The following SPRY2 variants were observed in gnomAD, a reference collection of about 807,000 sequenced individuals.
SPRY2 encodes protein sprouty homolog 2.
A neutral mutation model predicts 23.4 loss-of-function variants in SPRY2; 10 were observed. That is an observed-to-expected ratio of 0.43 (90% CI 0.26 to 0.73). The LOEUF (loss-of-function observed/expected upper bound fraction) is 0.73. SPRY2 is among the 30% of genes least tolerant of loss of function. The probability of loss-of-function intolerance (pLI) is 0.22; values close to 1 mark genes in which losing one functional copy is unlikely to be tolerated. For synonymous variants in SPRY2, 170 were observed against 156.9 expected (o/e 1.08, Z -0.62); for missense variants, 344 against 396.9 (o/e 0.87, Z 1.13).
Position 80,337,623 on chromosome 13 carries a change from G to A in SPRY2, c.83C>T (p.Pro28Leu). 1 of 1,614,022 alleles carries A rather than the reference G, an allele frequency of 6.2e-7. No homozygotes were observed. ...PRDGGRQRGEPDPRDALTQQV... is the reference protein window; with the variant it reads ...PRDGGRQRGELDPRDALTQQV... ...CTGGGTGAGGGCGTCTCTGGGGTCG[G>A]GCTCCCCACGCTGTCTGCCACCGTC... is the stretch of plus-strand genomic sequence containing the variant. The change falls in exon 2 of 2, where the codon CCC becomes CTC. Residue 28 changes from proline to leucine, a missense_variant. Transcript: ENST00000377104.
At chr13:80,338,592 T>C (rs368441673) in intron 1 of SPRY2, 1 of 152,228 alleles carries the variant, frequency 6.6e-6, no homozygotes, top group Admixed American at 6.5e-5. Context: ...AAAAGCGTTT[T>C]AAAAATTCAA....
chr13:80,336,655 T>C lies in SPRY2; in HGVS notation c.*103A>G. ...CAAACAGCAAAGACTATCCCACCTT[T>C]CTATTAACAGTGCCAAGATTATAAC... On this transcript the variant is annotated 3_prime_UTR_variant, in exon 2 of 2. Coordinates refer to ENST00000377104, the MANE Select transcript of SPRY2 (RefSeq NM_005842.4). 1 of 1,212,266 alleles carries C rather than the reference T, an allele frequency of 8.2e-7. No homozygotes were observed. The highest frequency in any genetic ancestry group is 1.2e-6 in the Non-Finnish European group (1 of 847,052). The allele number at this position is 1,212,266 out of a possible 1,614,324, so 75.1% of individuals were successfully genotyped here.
In SPRY2 at chr13:80,337,042, C is replaced by T; in HGVS notation, c.664G>A (p.Val222Met). ...GAACAGTGATAGAAGAGACCTTTCA[C>T]ACAGCATACACAAGTCCCATAGTCA... ...VIDYGTCVCC[V>M]KGLFYHCSND... The change falls in exon 2 of 2, where the codon GTG becomes ATG. Residue 222 changes from valine to methionine, a missense_variant. Coordinates refer to ENST00000377104, the MANE Select transcript of SPRY2 (RefSeq NM_005842.4). 1.9e-6 allele frequency: 3 copies of T among 1,614,250 alleles called. No individual in the cohort carries two copies.
In SPRY2 at chr13:80,339,449, G is replaced by A. The variant is rs935554446; in HGVS notation, c.-52+1173C>T. 4 of 152,192 alleles carry A rather than the reference G, an allele frequency of 2.6e-5. No homozygotes were observed. The East Asian group carries it at 7.7e-4, about 29-fold the overall frequency. The allele number at this position is 152,192 out of a possible 1,614,324, so 9.4% of individuals were successfully genotyped here. ...TTTTAAAAAAAGGGCATTTTCCAGG[G>A]TCCCACTGCTCACTCCGGGCGCGCA... On this transcript the variant is annotated intron_variant, in intron 1 of 1. Transcript: ENST00000377104.
In SPRY2 at chr13:80,339,071, C is replaced by G. The variant is rs549417107; in HGVS notation, c.-51-1315G>C. ...GGGTACGTGTCACGAAATGCAGGAG[C>G]ACACTTCCCCCGCCTCCCTCTCCCC... On this transcript the variant is annotated intron_variant, in intron 1 of 1. Transcript: ENST00000377104. 5 of 152,430 alleles carry G rather than the reference C, an allele frequency of 3.3e-5. No homozygotes were observed. In the East Asian group the frequency reaches 9.7e-4, roughly 30 times the overall value. The allele number at this position is 152,430 out of a possible 1,614,324, so 9.4% of individuals were successfully genotyped here. A position where few individuals can be genotyped will look rare whatever the true frequency, so the allele number is the denominator to read the frequency against.
rs1437976002 is a variant in SPRY2 at position 80,336,659 on chromosome 13, T to C, written c.*99A>G. The C allele has an allele frequency of 3.2e-6, 4 of 1,253,636 alleles. No homozygotes were observed. Among genetic ancestry groups the C allele is most frequent in the Non-Finnish European group, 4.5e-6 (4 of 883,078 alleles). 77.7% of individuals were successfully genotyped at this position (1,253,636 alleles called of 1,614,324 possible). A position where few individuals can be genotyped will look rare whatever the true frequency, so the allele number is the denominator to read the frequency against. ...CAGCAAAGACTATCCCACCTTTCTA[T>C]TAACAGTGCCAAGATTATAACTGTT... On this transcript the variant is annotated 3_prime_UTR_variant, in exon 2 of 2. Coordinates refer to ENST00000377104, the MANE Select transcript of SPRY2 (RefSeq NM_005842.4).
In SPRY2 at chr13:80,341,080, C is replaced by T. The variant is rs112661362; in HGVS notation, c.-510G>A. The T allele has an allele frequency of 1.3e-5, 2 of 150,084 alleles. No homozygotes were observed. Among genetic ancestry groups the T allele is most frequent in the African/African-American group, 2.4e-5 (1 of 41,226 alleles). The allele number at this position is 150,084 out of a possible 1,614,324, so 9.3% of individuals were successfully genotyped here. ...TGGGCGCTGCGCGCTCCGCCGGCCC[C>T]TCTCCTCCGCTAGCGCTGCGGCGCG... is the stretch of plus-strand genomic sequence containing the variant. On this transcript the variant is annotated 5_prime_UTR_variant, in exon 1 of 2. Coordinates refer to ENST00000377104, the MANE Select transcript of SPRY2 (RefSeq NM_005842.4).
In SPRY2 at chr13:80,339,880, G is replaced by A. The variant is rs147434014; in HGVS notation, c.-52+742C>T. 4.3e-3 allele frequency among the ~76,000 whole-genome samples: 650 copies of A among 152,318 alleles called. 5 individuals are homozygous for A. Among genetic ancestry groups the A allele is most frequent in the South Asian group, 0.017 (82 of 4,822 alleles). ...TACTTTCAGGTAATGGAAAATGATCGCGACCGCTTGATGACTTTCTTCCTG... is the reference window on the plus strand; with the variant it reads ...TACTTTCAGGTAATGGAAAATGATCACGACCGCTTGATGACTTTCTTCCTG... On this transcript the variant is annotated intron_variant, in intron 1 of 1. Transcript: ENST00000377104.
At position 80,337,341 on chromosome 13, in the gene SPRY2, G is replaced by T; in HGVS notation, c.365C>A (p.Thr122Lys). Residue 122 changes from threonine (T) to lysine (K), a missense_variant, in exon 2 of 2, where the codon ACG becomes AAG. Coordinates refer to ENST00000377104, the MANE Select transcript of SPRY2 (RefSeq NM_005842.4). ...STVSSGSRSS[T>K]RTSTSSSSSE... ...GGAGCTGCTGCTGGTACTTGTCCTC[G>T]TACTGCTCCGCGACCCTGAGCTGAC... is the stretch of plus-strand genomic sequence containing the variant. The T allele has an allele frequency of 6.2e-7, 1 of 1,614,186 alleles. No homozygotes were observed. The highest frequency in any genetic ancestry group is 8.5e-7 in the Non-Finnish European group (1 of 1,180,048).
Position 80,340,678 on chromosome 13 carries a change from T to C in SPRY2, c.-108A>G, listed in dbSNP as rs1464472668. On this transcript the variant is annotated 5_prime_UTR_variant, in exon 1 of 2. Coordinates refer to ENST00000377104, the MANE Select transcript of SPRY2 (RefSeq NM_005842.4). ...CTTGGATTCTCTTCTTTCTGCGATG[T>C]GCAAATAAATCCAGTCTCGATGCAA... 2 of 152,274 alleles carry C rather than the reference T, an allele frequency of 1.3e-5. No homozygotes were observed. The highest frequency in any genetic ancestry group is 4.8e-5 in the African/African-American group (2 of 41,470). 9.4% of individuals were successfully genotyped at this position (152,274 alleles called of 1,614,324 possible).
intron 1 of SPRY2, among the ~76,000 whole-genome samples, chr13:80,338,339 T>C (rs1208445710): frequency 6.6e-6 from 1 of 152,218 alleles, no homozygotes; most frequent in African/African-American, 2.4e-5. Context: ...AATCATGCCA[T>C]TTTTTATTAA....
At chr13:80,337,784 T>C (rs575568863) in intron 1 of SPRY2, 28 bp from the exon 2 acceptor site, 1 of 1,334,020 alleles carries the variant, frequency 7.5e-7, no homozygotes, top group African/African-American at 1.4e-5. Context: ...AAAGAACGGT[T>C]GATACTCTAA....
intron 1 of SPRY2, among the ~76,000 whole-genome samples, chr13:80,339,979 A>G (rs1164129753): frequency 6.6e-6 from 1 of 152,196 alleles, no homozygotes; most frequent in Non-Finnish European, 1.5e-5. Flanking sequence ...GAAGAGAGAG[A>G]GCTGCACTTC....
Position 80,337,523 on chromosome 13 carries a change from G to C in SPRY2, c.183C>G (p.Val61=). The change falls in exon 2 of 2, where the codon GTC becomes GTG. Residue 61 remains valine, a synonymous_variant. Coordinates refer to ENST00000377104, the MANE Select transcript of SPRY2 (RefSeq NM_005842.4). ...NTNEYTEGPT[V]VPRPGLKPAP... is the part of the protein sequence containing the mutation. ...CAGGCTTGAGCCCAGGTCTTGGGAC[G>C]ACAGTAGGCCCCTCTGTGTACTCAT... is the stretch of plus-strand genomic sequence containing the variant. The C allele has an allele frequency of 1.2e-6, 2 of 1,614,176 alleles. No individual in the cohort carries two copies. The highest frequency in any genetic ancestry group is 1.7e-6 in the Non-Finnish European group (2 of 1,180,042).
rs565287633 is a variant in SPRY2 at position 80,339,774 on chromosome 13, G to C, written c.-52+848C>G. On this transcript the variant is annotated intron_variant, in intron 1 of 1. Coordinates refer to ENST00000377104, the MANE Select transcript of SPRY2 (RefSeq NM_005842.4). ...GGCAAACGGACACAGAAACTGCTTT[G>C]TAAAAAACACACAAGAATCCAAATT... The C allele has an allele frequency of 3.3e-5, 5 of 152,308 alleles. No homozygotes were observed. In the South Asian group the frequency reaches 1.0e-3, roughly 32 times the overall value. The allele number at this position is 152,308 out of a possible 1,614,324, so 9.4% of individuals were successfully genotyped here.
In SPRY2 at chr13:80,337,395, C is replaced by G. The variant is rs1337608150; in HGVS notation, c.311G>C (p.Arg104Pro). The G allele has an allele frequency of 6.2e-7, 1 of 1,614,088 alleles. No individual in the cohort carries two copies. Among genetic ancestry groups the G allele is most frequent in the Admixed American group, 1.7e-5 (1 of 59,996 alleles). Residue 104 changes from arginine (R) to proline (P), a missense_variant, in exon 2 of 2, where the codon CGA (arginine) becomes CCA (proline). Arg to Pro is a moderately radical substitution (Grantham distance 103). Coordinates refer to ENST00000377104, the MANE Select transcript of SPRY2 (RefSeq NM_005842.4). ...GCTTATGGATCTGGACAGAGGGGCT[C>G]GTGCAGAAGAATGGACCTGCGAGTG... ...LQHSQVHSSA[R>P]APLSRSISTV...
intron 1 of SPRY2, chr13:80,339,682 A>C (rs1341674182): frequency 1.3e-5 from 2 of 151,226 alleles, no homozygotes; most frequent in South Asian, 2.1e-4. Context: ...GTGCTTTGAA[A>C]CCCCCATTAA....
In SPRY2 at chr13:80,336,851, C is replaced by T. The variant is rs1282187444; in HGVS notation, c.855G>A (p.Arg285=). Reference sequence around the variant, plus strand: ...TACAGCGGCAACCAGGCCTGTTAACCCGGTCATAACACCCCTGGCACAATT... The same window carrying T: ...TACAGCGGCAACCAGGCCTGTTAACTCGGTCATAACACCCCTGGCACAATT... The part of the protein sequence containing the change: ...CLKLCQGCYD[R]VNRPGCRCKN... Residue 285 remains arginine, a synonymous_variant, in exon 2 of 2, where the codon CGG becomes CGA. Transcript: ENST00000377104. 9 of 1,613,982 alleles carry T rather than the reference C, an allele frequency of 5.6e-6. No individual in the cohort carries two copies. The highest frequency in any genetic ancestry group is 4.0e-5 in the African/African-American group (3 of 74,874).
chr13:80,339,715 G>T (rs1880436177), intron 1 of SPRY2: 1 of 152,096 alleles, frequency 6.6e-6, no homozygotes, highest in Non-Finnish European at 1.5e-5. Flanking sequence ...ATCAGACTGA[G>T]GATTAGGGGA....
Sources: gnomAD v4.1 joint callset for allele counts (sites outside exome capture counted in the v4.1 genomes callset) on GRCh38, gnomAD v4.1.1 for gene constraint, MANE v1.5 for transcripts, NCBI Gene and HGNC (gene_info 2026-07-23, HGNC 2026-07-21) for gene names.